TRPM2: variants seen among roughly 807,000 people sequenced by gnomAD.
TRPM2 encodes the protein estrogen-responsive element-associated gene 1 protein.
A neutral mutation model predicts 174.0 loss-of-function variants in TRPM2; 161 were observed. That is an observed-to-expected ratio of 0.93 (90% CI 0.81 to 1.05). The LOEUF (loss-of-function observed/expected upper bound fraction) is 1.05, where lower values mean the gene tolerates loss of function less well. TRPM2 is among the 50% of genes least tolerant of loss of function. The pLI is 0.00. For missense variants in TRPM2, 2,057 were observed against 2,038.0 expected (o/e 1.01, Z -0.18); for synonymous variants, 954 against 861.3 (o/e 1.11, Z -1.88).
At chr21:44,381,483 T>G (rs2048876694) in intron 8 of TRPM2, among the ~76,000 whole-genome samples, 1 of 40,508 alleles carries the variant, frequency 2.5e-5, no homozygotes, top group African/African-American at 1.2e-4. Context: ...GATGAATAGA[T>G]GGATGGATGG....
intron 14 of TRPM2, 150 bp from the exon 15 acceptor site, chr21:44,400,109 G>T: frequency 1.6e-6 from 1 of 635,300 alleles, no homozygotes. Flanking sequence ...CAAAGCCCCA[G>T]GGCAAGCTCT....
At chr21:44,422,233 G>A (rs1419571836) in intron 22 of TRPM2, 3 of 1,532,012 alleles carry the variant, frequency 2.0e-6, no homozygotes, top group African/African-American at 2.7e-5. Flanking sequence ...TTGCAGCACT[G>A]AGGTGAGCTG....
Position 44,399,558 on chromosome 21 carries a change from G to A in TRPM2, c.2208+117G>A. The A allele has an allele frequency of 7.2e-7, 1 of 1,385,394 alleles. No individual in the cohort carries two copies. The highest frequency in any genetic ancestry group is 9.5e-7 in the Non-Finnish European group (1 of 1,051,468). The allele number at this position is 1,385,394 out of a possible 1,614,324, so 85.8% of individuals were successfully genotyped here. On this transcript the variant is annotated intron_variant, in intron 14 of 31. Transcript: ENST00000397928. This position sits in a 1 kb window ranked among gnomAD's most constrained non-coding sequence, Gnocchi z 4.6. ...CACACAGGCTTCAGGGCCCTCAGCA[G>A]CTCGGGGACAGCGCCTGACCCCTCG...
intron 1 of TRPM2, 35 bp downstream of exon 1, chr21:44,353,900 G>T (rs186133156): frequency 1.9e-6 from 3 of 1,585,592 alleles, no homozygotes; most frequent in East Asian, 4.7e-5. Flanking sequence ...CAGTTGGCAC[G>T]TGGCCACGGA....
In TRPM2 at chr21:44,354,801, G is replaced by C. The variant is rs1214750773; in HGVS notation, c.254+65G>C. Reference sequence around the variant, plus strand: ...CCTTCCGATCCCACATGGAGTAGCTGATCAGGCCAAGACCCCTCAGGGCCT... The same window carrying C: ...CCTTCCGATCCCACATGGAGTAGCTCATCAGGCCAAGACCCCTCAGGGCCT... On this transcript the variant is annotated intron_variant, in intron 2 of 31. Coordinates refer to ENST00000397928, the MANE Select transcript of TRPM2 (RefSeq NM_003307.4). The surrounding 1 kb of genome is among the most constrained non-coding windows in gnomAD (Gnocchi z 4.3). 6.7e-7 allele frequency: 1 copy of C among 1,495,864 alleles called. No homozygotes were observed. The highest frequency in any genetic ancestry group is 2.3e-5 in the East Asian group (1 of 44,280). The allele number at this position is 1,495,864 out of a possible 1,614,324, so 92.7% of individuals were successfully genotyped here.
intron 16 of TRPM2, among the ~76,000 whole-genome samples, chr21:44,403,162 C>T (rs2049686619): frequency 6.6e-6 from 1 of 152,188 alleles, no homozygotes; most frequent in Non-Finnish European, 1.5e-5. Context: ...GCCCCAGCCC[C>T]ATGGGCAGCA....
intron 27 of TRPM2, among the ~76,000 whole-genome samples, chr21:44,433,531 A>AC: frequency 6.6e-6 from 1 of 152,156 alleles, no homozygotes; most frequent in East Asian, 1.9e-4. Flanking sequence ...GGCGGGGTGG[A>AC]CGGGAGTGAG....
intron 27 of TRPM2, among the ~76,000 whole-genome samples, chr21:44,430,903 A>AT (rs1569113110): frequency 1.3e-4 from 7 of 53,964 alleles, no homozygotes; most frequent in African/African-American, 4.5e-4. Flanking sequence ...TGATTTAAAA[A>AT]ATAATATAAA....
chr21:44,391,371 G>A lies in TRPM2; in HGVS notation c.1540G>A (p.Val514Ile), dbSNP rs572023310. ...LENGVQLKEF[V>I]TWDTLLYLYE... ...GAACGGGGTGCAGCTGAAGGAGTTT[G>A]TCACCTGGGACACCTTGCTCTACCT... Residue 514 changes from valine (V) to isoleucine (I), a missense_variant, in exon 11 of 32, where the codon GTC becomes ATC. By Grantham distance (29) the Val-to-Ile change is conservative. Transcript: ENST00000397928. The surrounding 1 kb of genome is among the most constrained non-coding windows in gnomAD (Gnocchi z 5.0). The A allele has an allele frequency of 5.6e-5, 91 of 1,614,198 alleles. 2 individuals carry two copies. In the South Asian group the frequency reaches 9.4e-4, roughly 17 times the overall value.
chr21:44,414,850 CCA>C (rs1384063514), intron 20 of TRPM2: 4 of 152,142 alleles, frequency 2.6e-5, no homozygotes, highest in African/African-American at 4.8e-5. Context: ...CTCCAGCTGG[CCA>C]CAGTGGTTCC....
chr21:44,407,450 GTTTTT>G (rs71197896), intron 19 of TRPM2, among the ~76,000 whole-genome samples: 7 of 85,848 alleles, frequency 8.2e-5, no homozygotes, highest in Admixed American at 5.4e-4. Context: ...CATATAGAAG[GTTTTT>G]TTTTTTTTTT....
In TRPM2 at chr21:44,391,852, G is replaced by A. The variant is rs770631502; in HGVS notation, c.1794+227G>A. Among the ~76,000 whole-genome samples, 8 of 152,236 alleles carry A rather than the reference G, an allele frequency of 5.3e-5. No individual in the cohort carries two copies. The highest frequency in any genetic ancestry group is 1.2e-4 in the Non-Finnish European group (8 of 68,042). On this transcript the variant is annotated intron_variant, in intron 11 of 31. Transcript: ENST00000397928. The surrounding 1 kb of genome is among the most constrained non-coding windows in gnomAD (Gnocchi z 5.0). ...GAAGTCCCAGATTAAGGCACCAGCA[G>A]GGCTGGCTTCTGGCCAGGGCCTCTT...
intron 8 of TRPM2, among the ~76,000 whole-genome samples, chr21:44,381,041 C>T (rs577608060): frequency 2.0e-5 from 3 of 152,086 alleles, no homozygotes; most frequent in Non-Finnish European, 2.9e-5. Flanking sequence ...GGGTGGAGTT[C>T]GCCAGGGAGC....
At chr21:44,415,371 T>G (rs1316445818) in intron 20 of TRPM2, 1 of 152,090 alleles carries the variant, frequency 6.6e-6, no homozygotes, top group Non-Finnish European at 1.5e-5. Flanking sequence ...GGGCCCGACA[T>G]CATCATGAGG....
At position 44,391,547 on chromosome 21, in the gene TRPM2, C is replaced by T; in HGVS notation, c.1716C>T (p.Phe572=). The change falls in exon 11 of 32, where the codon TTC becomes TTT. Residue 572 remains phenylalanine (F), a synonymous_variant. Coordinates refer to ENST00000397928, the MANE Select transcript of TRPM2 (RefSeq NM_003307.4). This position sits in a 1 kb window ranked among gnomAD's most constrained non-coding sequence, Gnocchi z 5.0. Reference sequence around the variant, plus strand: ...TGCTGCGGGAGCTGCTGGGGGACTTCACGCAGCCGCTTTATCCCCGGCCCC... The same window carrying T: ...TGCTGCGGGAGCTGCTGGGGGACTTTACGCAGCCGCTTTATCCCCGGCCCC... The part of the protein sequence containing the change: ...AQVLRELLGD[F]TQPLYPRPRH... The T allele has an allele frequency of 6.2e-7, 1 of 1,600,806 alleles. No individual in the cohort carries two copies. Among genetic ancestry groups the T allele is most frequent in the Non-Finnish European group, 8.5e-7 (1 of 1,178,028 alleles).
chr21:44,425,727 A>G lies in TRPM2; in HGVS notation c.3695A>G (p.Glu1232Gly). 1 of 1,577,680 alleles carries G rather than the reference A, an allele frequency of 6.3e-7. No individual in the cohort carries two copies. The highest frequency in any genetic ancestry group is 1.1e-5 in the South Asian group (1 of 87,792). Residue 1232 changes from glutamate to glycine, a missense_variant, in exon 25 of 32, where the codon GAG (glutamate) becomes GGG (glycine). Glu to Gly is a moderately conservative substitution (Grantham distance 98). Coordinates refer to ENST00000397928, the MANE Select transcript of TRPM2 (RefSeq NM_003307.4). ...DAEPGGRKKT[E>G]EPGDSYHVNA... Reference sequence around the variant, plus strand: ...GAGCCGGGAGGCAGGAAGAAGACGGAGGAGCCGGGCGACAGCTACCACGTG... The same window carrying G: ...GAGCCGGGAGGCAGGAAGAAGACGGGGGAGCCGGGCGACAGCTACCACGTG...
In TRPM2 at chr21:44,376,138, C is replaced by G; in HGVS notation, c.952+125C>G. 1 of 1,179,876 alleles carries G rather than the reference C, an allele frequency of 8.5e-7. No individual in the cohort carries two copies. Among genetic ancestry groups the G allele is most frequent in the Non-Finnish European group, 1.2e-6 (1 of 842,976 alleles). 73.1% of individuals were successfully genotyped at this position (1,179,876 alleles called of 1,614,324 possible). ...GGCGTTTGGCAGAGAGTGCAGTGGG[C>G]TGGTCAGAGTGTCAGGTACAGCTGG... On this transcript the variant is annotated intron_variant, in intron 6 of 31. Coordinates refer to ENST00000397928, the MANE Select transcript of TRPM2 (RefSeq NM_003307.4). This position sits in a 1 kb window ranked among gnomAD's most constrained non-coding sequence, Gnocchi z 4.2.
At chr21:44,383,328 G>A (rs990387689) in intron 9 of TRPM2, among the ~76,000 whole-genome samples, 2 of 152,176 alleles carry the variant, frequency 1.3e-5, no homozygotes, top group Non-Finnish European at 2.9e-5. Context: ...GAAGGCTTAT[G>A]CCTCTTTGTC....
intron 2 of TRPM2, among the ~76,000 whole-genome samples, chr21:44,361,413 T>C (rs2048205939): frequency 6.6e-6 from 1 of 152,194 alleles, no homozygotes; most frequent in African/African-American, 2.4e-5. Context: ...ACACTCGGCG[T>C]TGTGTCAACA....
Sources: gnomAD v4.1 joint callset for allele counts (sites outside exome capture counted in the v4.1 genomes callset) on GRCh38, gnomAD v4.1.1 for gene constraint, Gnocchi (gnomAD v3.1) non-coding constraint, MANE v1.5 for transcripts, NCBI Gene and HGNC (gene_info 2026-07-23, HGNC 2026-07-21) for gene names.